Variants in TMEM132B observed in about 807,000 individuals in gnomAD.
The protein encoded by TMEM132B is transmembrane protein 132B.
TMEM132B carries 18 observed loss-of-function variants against 90.8 expected under a neutral mutation model. That is an observed-to-expected ratio of 0.20 (90% CI 0.14 to 0.29). TMEM132B has a LOEUF of 0.29. TMEM132B is among the 10% of genes least tolerant of loss of function. The pLI, the probability that TMEM132B is intolerant of heterozygous loss-of-function variation, is 1.00. For synonymous variants in TMEM132B, 504 were observed against 523.3 expected, an observed-to-expected ratio of 0.96 and a Z score of 0.50; for missense variants, 1,096 against 1,326.8, an observed-to-expected ratio of 0.83 and a Z score of 2.70.
In TMEM132B at chr12:125,652,575, C is replaced by A; in HGVS notation, c.2049C>A (p.Asp683Glu). ...MSLSLQPHRA[D>E]KRAIVSTAAA... ...TCTCCCTGCAGCCACACCGAGCAGA[C>A]AAAAGGGCCATCGTCTCCACAGCTG... The change falls in exon 8 of 9, where the codon GAC becomes GAA. Residue 683 changes from aspartate (D) to glutamate (E), a missense_variant. Physicochemically the swap from Asp to Glu is conservative, Grantham distance 45. Coordinates refer to ENST00000682704, the MANE Select transcript of TMEM132B (RefSeq NM_001366854.1). 1.9e-6 allele frequency: 3 copies of A among 1,613,810 alleles called. No homozygotes were observed. The highest frequency in any genetic ancestry group is 2.5e-6 in the Non-Finnish European group (3 of 1,179,796).
Position 125,654,749 on chromosome 12 carries a change from G to GT in TMEM132B, c.*45dup. 1 of 1,576,730 alleles carries GT rather than the reference G, an allele frequency of 6.3e-7. No homozygotes were observed. Among genetic ancestry groups the GT allele is most frequent in the Non-Finnish European group, 8.6e-7 (1 of 1,161,158 alleles). ...GTTTGTATTCACCTTTATGCCTTCTGTTTTTTGAATGCTGGAGCAGTGAGT... is the reference window on the plus strand; with the variant it reads ...GTTTGTATTCACCTTTATGCCTTCTGTTTTTTTGAATGCTGGAGCAGTGAGT... On this transcript the variant is annotated 3_prime_UTR_variant, in exon 9 of 9. Transcript: ENST00000682704. This position sits in a 1 kb window ranked among gnomAD's most constrained non-coding sequence, Gnocchi z 5.8.
intron 2 of TMEM132B, among the ~76,000 whole-genome samples, chr12:125,405,926 A>G (rs1228366256): frequency 6.6e-6 from 1 of 152,226 alleles, no homozygotes; most frequent in African/African-American, 2.4e-5. Context: ...GGCATCTTGC[A>G]GCCATCAGAG....
intron 4 of TMEM132B, 21 bp from the exon 5 acceptor site, chr12:125,583,830 G>A: frequency 6.2e-7 from 1 of 1,613,232 alleles, no homozygotes; most frequent in South Asian, 1.1e-5. Context: ...GCTGATCTGA[G>A]CCCTCTCCTC....
rs1201922754 is a variant in TMEM132B at position 125,213,458 on chromosome 12, A to G, written c.67+26592A>G. Among the ~76,000 whole-genome samples, 3 of 152,212 alleles carry G rather than the reference A, an allele frequency of 2.0e-5. No individual in the cohort carries two copies. Among genetic ancestry groups the G allele is most frequent in the Non-Finnish European group, 4.4e-5 (3 of 68,036 alleles). On this transcript the variant is annotated intron_variant, in intron 1 of 8. Coordinates refer to ENST00000682704, the MANE Select transcript of TMEM132B (RefSeq NM_001366854.1). This position sits in a 1 kb window ranked among gnomAD's most constrained non-coding sequence, Gnocchi z 4.2. The stretch of plus-strand genomic sequence containing the variant: ...TACCTGGGTAATTTTTAAAAGCTCC[A>G]TATATGGTTCTAATGGGAAGCCAAC...
intron 1 of TMEM132B, among the ~76,000 whole-genome samples, chr12:125,231,871 A>G (rs1383651769): frequency 6.8e-6 from 1 of 147,284 alleles, no homozygotes; most frequent in East Asian, 2.0e-4. Flanking sequence ...TACAAAATAA[A>G]ACTTCTTTTG....
At chr12:125,447,282 G>GT (rs139155739) in intron 3 of TMEM132B, among the ~76,000 whole-genome samples, 2,551 of 149,058 alleles carry the variant, frequency 0.017, 76 homozygotes, top group African/African-American at 0.058. Context: ...ATTTATTTCT[G>GT]TTTTTTTTTG....
chr12:125,633,830 A>G (rs574705850), intron 5 of TMEM132B, among the ~76,000 whole-genome samples: 2 of 152,334 alleles, frequency 1.3e-5, no homozygotes, highest in Non-Finnish European at 2.9e-5. Context: ...GGAGTGACAT[A>G]AGCACCCCTG....
chr12:125,438,846 T>G (rs1593147665), intron 3 of TMEM132B, among the ~76,000 whole-genome samples: 1 of 152,392 alleles, frequency 6.6e-6, no homozygotes, highest in East Asian at 1.9e-4. Context: ...ATTTGCCTAT[T>G]TTGCTGAAGG....
At chr12:125,581,505 G>A (rs913985547) in intron 4 of TMEM132B, among the ~76,000 whole-genome samples, 18 of 152,124 alleles carry the variant, frequency 1.2e-4, no homozygotes, top group African/African-American at 4.3e-4. Context: ...TGGAATACCT[G>A]GATTGACTGT....
intron 1 of TMEM132B, among the ~76,000 whole-genome samples, chr12:125,192,809 A>G (rs1872828781): frequency 6.6e-6 from 1 of 152,354 alleles, no homozygotes; most frequent in South Asian, 2.1e-4. Flanking sequence ...CAGAGATGTC[A>G]GTGTCACAAT....
chr12:125,519,413 A>G (rs1340530510), intron 3 of TMEM132B, 26 bp from the exon 4 acceptor site: 2 of 1,570,226 alleles, frequency 1.3e-6, no homozygotes, highest in Non-Finnish European at 1.7e-6. Context: ...TTTTAAATGG[A>G]ACCTTAATAT....
chr12:125,326,527 T>G, intron 1 of TMEM132B: 20 of 1,329,552 alleles, frequency 1.5e-5, no homozygotes, highest in African/African-American at 2.9e-5. Flanking sequence ...ATCGGCTTAA[T>G]GCTGTTTGAT....
At chr12:125,506,426 C>T (rs986749582) in intron 3 of TMEM132B, among the ~76,000 whole-genome samples, 2 of 152,048 alleles carry the variant, frequency 1.3e-5, no homozygotes, top group Non-Finnish European at 2.9e-5. Context: ...TGGGAAGATT[C>T]TATATCTTGA....
chr12:125,376,754 G>T (rs1350330681), intron 2 of TMEM132B, among the ~76,000 whole-genome samples: 1 of 152,238 alleles, frequency 6.6e-6, no homozygotes, highest in Non-Finnish European at 1.5e-5. Context: ...CACTGTCTAA[G>T]GGGGAGCTGA....
At chr12:125,190,651 G>A (rs1391864246) in intron 1 of TMEM132B, among the ~76,000 whole-genome samples, 1 of 55,508 alleles carries the variant, frequency 1.8e-5, no homozygotes, top group Non-Finnish European at 3.7e-5. Context: ...AAGGGGTGGC[G>A]ATGGTGATGG....
intron 5 of TMEM132B, chr12:125,622,648 C>T (rs1886138754): frequency 1.0e-6 from 1 of 985,408 alleles, no homozygotes; most frequent in African/African-American, 1.7e-5. Flanking sequence ...GGTGTCCAGC[C>T]TTCTCTGGGT....
chr12:125,333,449 TA>T (rs1265505951), intron 1 of TMEM132B, among the ~76,000 whole-genome samples: 3 of 152,246 alleles, frequency 2.0e-5, no homozygotes, highest in Non-Finnish European at 4.4e-5. Flanking sequence ...TAGAATTAAT[TA>T]CATTCATGAA....
intron 1 of TMEM132B, among the ~76,000 whole-genome samples, chr12:125,254,214 G>A (rs1265125030): frequency 1.3e-5 from 2 of 152,044 alleles, no homozygotes; most frequent in African/African-American, 2.4e-5. Context: ...ACCGGAGGTC[G>A]AAGCTGCAGT....
intron 1 of TMEM132B, among the ~76,000 whole-genome samples, chr12:125,262,693 A>T (rs1874596723): frequency 1.3e-5 from 2 of 152,374 alleles, no homozygotes; most frequent in African/African-American, 4.8e-5. Context: ...GCTGTCAAAA[A>T]TTAGAGGCTT....
Sources: gnomAD v4.1 joint callset for allele counts (sites outside exome capture counted in the v4.1 genomes callset) on GRCh38, gnomAD v4.1.1 for gene constraint, Gnocchi (gnomAD v3.1) non-coding constraint, MANE v1.5 for transcripts, NCBI Gene and HGNC (gene_info 2026-07-23, HGNC 2026-07-21) for gene names.